SCN8A: variants seen among roughly 807,000 people sequenced by gnomAD.
SCN8A encodes the protein sodium channel protein type 8 subunit alpha.
SCN8A carries 30 observed loss-of-function variants against 184.1 expected under a neutral mutation model. The ratio of observed to expected loss-of-function variants is 0.16; its 90% CI spans 0.12 to 0.22. SCN8A has a LOEUF of 0.22. Ranked by LOEUF, SCN8A falls within the 10% of genes least tolerant of loss-of-function variation. SCN8A has a pLI of 1.00. For synonymous variants in SCN8A, 852 were observed against 907.0 expected, an observed-to-expected ratio of 0.94 and a Z score of 1.09; for missense variants, 1,057 against 2,498.9, an observed-to-expected ratio of 0.42 and a Z score of 12.30.
At chr12:51,757,033 T>TAGA (rs1796088472) in intron 14 of SCN8A, among the ~76,000 whole-genome samples, 1 of 152,256 alleles carries the variant, frequency 6.6e-6, no homozygotes, top group Admixed American at 6.5e-5. Context: ...TGTGCTTCTA[T>TAGA]AGCCCCATAT....
At chr12:51,769,797 GC>G (rs1942894645) in intron 17 of SCN8A, 70 bp from the exon 18 acceptor site, 1 of 975,498 alleles carries the variant, frequency 1.0e-6, no homozygotes, top group Non-Finnish European at 1.6e-6. Context: ...CCCACCAGAG[GC>G]AGAGTTCTCA....
intron 12 of SCN8A, among the ~76,000 whole-genome samples, chr12:51,740,424 C>T (rs756300358): frequency 2.6e-5 from 4 of 152,176 alleles, no homozygotes; most frequent in Admixed American, 1.3e-4. Context: ...CATTCAGGAG[C>T]GTATTTAATC....
Position 51,806,507 on chromosome 12 carries a change from C to A in SCN8A, c.5021C>A (p.Ala1674Glu), listed in dbSNP as rs1230461865. Residue 1674 changes from alanine to glutamate, a missense_variant, in exon 27 of 27, where the codon GCA becomes GAA. Ala to Glu is a moderately radical substitution (Grantham distance 107, BLOSUM62 -1). Transcript: ENST00000627620. This position sits in a 1 kb window ranked among gnomAD's most constrained non-coding sequence, Gnocchi z 8.7. ...TCCATTTTTGGGATGTCCAATTTTG[C>A]ATATGTGAAGCACGAGGCTGGTATC... ...IFSIFGMSNF[A>E]YVKHEAGIDD... 6.2e-7 allele frequency: 1 copy of A among 1,614,202 alleles called. No homozygotes were observed.
intron 7 of SCN8A, 89 bp from the exon 8 acceptor site, chr12:51,701,055 C>G: frequency 2.4e-6 from 2 of 816,920 alleles, no homozygotes; most frequent in Non-Finnish European, 4.2e-6. Flanking sequence ...CAATAACTTT[C>G]TGCTGGGGCT....
chr12:51,641,407 T>C (rs927734450), intron 1 of SCN8A, among the ~76,000 whole-genome samples: 9 of 152,164 alleles, frequency 5.9e-5, no homozygotes, highest in Non-Finnish European at 1.2e-4. Flanking sequence ...AACATTTTTT[T>C]CCTGAATGAG....
intron 26 of SCN8A, among the ~76,000 whole-genome samples, chr12:51,800,309 A>G (rs1325127448): frequency 6.6e-6 from 1 of 152,202 alleles, no homozygotes; most frequent in African/African-American, 2.4e-5. Flanking sequence ...AGTCGTCACC[A>G]CTTGGTTCAG....
intron 1 of SCN8A, among the ~76,000 whole-genome samples, chr12:51,660,545 A>G (rs1270251701): frequency 6.6e-6 from 1 of 152,094 alleles, no homozygotes; most frequent in Non-Finnish European, 1.5e-5. Context: ...GAAGTTTAAG[A>G]CCTCTGGGAA....
intron 16 of SCN8A, 181 bp downstream of exon 16, chr12:51,766,208 G>A (rs563694076): frequency 7.9e-6 from 5 of 630,598 alleles, no homozygotes; most frequent in South Asian, 1.9e-5. Context: ...TACTTACAGA[G>A]TGCCTACTTA....
chr12:51,763,448 A>C (rs1428704870), intron 15 of SCN8A, among the ~76,000 whole-genome samples: 2 of 152,240 alleles, frequency 1.3e-5, no homozygotes, highest in Non-Finnish European at 1.5e-5. Flanking sequence ...TACGTATATT[A>C]AATGCATTTT....
intron 1 of SCN8A, among the ~76,000 whole-genome samples, chr12:51,613,176 C>T (rs1939760444): frequency 6.6e-6 from 1 of 152,030 alleles, no homozygotes; most frequent in Non-Finnish European, 1.5e-5. Flanking sequence ...TTCCCTTTAA[C>T]ATTAAAAAAA....
chr12:51,795,618 T>C (rs187923667), intron 26 of SCN8A, among the ~76,000 whole-genome samples: 46 of 152,348 alleles, frequency 3.0e-4, no homozygotes, highest in African/African-American at 1.1e-3. Flanking sequence ...TGTGTTGATA[T>C]GTGGAACACT....
At chr12:51,686,039 C>T (rs1057124065) in intron 3 of SCN8A, among the ~76,000 whole-genome samples, 1 of 152,168 alleles carries the variant, frequency 6.6e-6, no homozygotes, top group Admixed American at 6.5e-5. Context: ...AGGTATTATA[C>T]TAAGTGCAAA....
chr12:51,597,203 T>C (rs1939366971), intron 1 of SCN8A, among the ~76,000 whole-genome samples: 1 of 152,096 alleles, frequency 6.6e-6, no homozygotes, highest in Admixed American at 6.6e-5. Context: ...AGGAGTTGAT[T>C]GGGGTGGGTT....
At chr12:51,608,514 A>T (rs1197684427) in intron 1 of SCN8A, among the ~76,000 whole-genome samples, 1 of 151,962 alleles carries the variant, frequency 6.6e-6, no homozygotes. Flanking sequence ...TAGGTTTTCT[A>T]GTTTATGTGC....
intron 12 of SCN8A, among the ~76,000 whole-genome samples, chr12:51,735,990 A>G (rs1942319794): frequency 6.6e-6 from 1 of 152,186 alleles, no homozygotes; most frequent in Admixed American, 6.5e-5. Context: ...TGCTGATAGC[A>G]TCTGGCCTTT....
rs1379759043 is a variant in SCN8A at position 51,751,475 on chromosome 12, T to C, written c.2252T>C (p.Met751Thr). Residue 751 changes from methionine (M) to threonine (T), a missense_variant, in exon 14 of 27, where the codon ATG (methionine) becomes ACG (threonine). Met to Thr is a moderately conservative substitution (Grantham distance 81). Around this residue, in one of 19 missense-constraint regions of SCN8A, gnomAD observed 66 missense variants for 310.6 expected, o/e 0.21. Coordinates refer to ENST00000627620, the MANE Select transcript of SCN8A (RefSeq NM_001330260.2). ...AAAGAGATTGTGAACTTGATAGTTA[T>C]GGACCCTTTTGTGGATTTAGCCATC... ...KLKEIVNLIVMDPFVDLAITI... is the reference protein window; with the variant it reads ...KLKEIVNLIVTDPFVDLAITI... The C allele has an allele frequency of 1.2e-6, 2 of 1,613,838 alleles. No homozygotes were observed. Among genetic ancestry groups the C allele is most frequent in the Non-Finnish European group, 1.7e-6 (2 of 1,179,844 alleles).
chr12:51,674,999 G>A (rs1307686913), intron 2 of SCN8A, among the ~76,000 whole-genome samples: 1 of 152,202 alleles, frequency 6.6e-6, no homozygotes, highest in Non-Finnish European at 1.5e-5. Flanking sequence ...AGAGAGGAGA[G>A]TGAGAATAGA....
chr12:51,690,310 C>T (rs1031154629), intron 6 of SCN8A, among the ~76,000 whole-genome samples: 5 of 152,152 alleles, frequency 3.3e-5, no homozygotes, highest in Admixed American at 2.0e-4. Context: ...ATTCCTATTA[C>T]GTGGCTCTTC....
rs1940669711 is a variant in SCN8A at position 51,649,765 on chromosome 12, A to AT, written c.-54-12998dup. Among the ~76,000 whole-genome samples the AT allele has an allele frequency of 2.0e-5, 3 of 152,186 alleles. No individual in the cohort carries two copies. In the South Asian group the frequency reaches 6.2e-4, roughly 32 times the overall value. On this transcript the variant is annotated intron_variant, in intron 1 of 26. Transcript: ENST00000627620. ...TGGGCCTGTGATGGGAGGGGCTGCT[A>AT]TGAAGAACTCTGACATGCCCTGGAG...
Sources: gnomAD v4.1 joint callset for allele counts (sites outside exome capture counted in the v4.1 genomes callset) on GRCh38, gnomAD v4.1.1 for gene constraint, gnomAD v4.1.1 regional missense constraint, Gnocchi (gnomAD v3.1) non-coding constraint, MANE v1.5 for transcripts, NCBI Gene and HGNC (gene_info 2026-07-23, HGNC 2026-07-21) for gene names.